Variants in DENND4C observed in about 807,000 individuals in gnomAD.
The protein encoded by DENND4C is DENN domain containing 4C, also known as DENN domain-containing protein 4C.
DENND4C carries 108 observed loss-of-function variants against 203.0 expected under a neutral mutation model. The observed-to-expected ratio is 0.53, with a 90% CI of 0.46 to 0.62. DENND4C has a LOEUF of 0.62. Among genes scored for constraint, DENND4C ranks in the 20% least tolerant of loss-of-function variants. DENND4C has a pLI of 0.00. For missense variants in DENND4C, 2,481 were observed against 2,301.2 expected (o/e 1.08, Z -1.60); for synonymous variants, 871 against 792.4 (o/e 1.10, Z -1.67).
chr9:19,235,497 TA>T (rs1821712777), intron 1 of DENND4C, among the ~76,000 whole-genome samples: 1 of 152,046 alleles, frequency 6.6e-6, no homozygotes. Context: ...CTTATACTCT[TA>T]TACTTAAGTA....
At chr9:19,290,016 T>TA (rs991252692) in intron 4 of DENND4C, among the ~76,000 whole-genome samples, 2 of 152,192 alleles carry the variant, frequency 1.3e-5, no homozygotes, top group Admixed American at 1.3e-4. Context: ...TAGAGAGTTT[T>TA]AGATACTGAA....
intron 16 of DENND4C, among the ~76,000 whole-genome samples, chr9:19,330,868 G>C (rs964824203): frequency 1.3e-5 from 2 of 151,774 alleles, no homozygotes; most frequent in African/African-American, 4.8e-5. Context: ...TGGCCAACAT[G>C]GTGAAACTCT....
intron 1 of DENND4C, among the ~76,000 whole-genome samples, chr9:19,270,298 T>C (rs556092371): frequency 1.6e-4 from 25 of 152,204 alleles, no homozygotes; most frequent in Non-Finnish European, 3.2e-4. Flanking sequence ...AAGGGCTCTT[T>C]ATTCAGCGGG....
intron 1 of DENND4C, among the ~76,000 whole-genome samples, chr9:19,238,223 C>T (rs1176375174): frequency 2.0e-5 from 3 of 151,678 alleles, no homozygotes; most frequent in Non-Finnish European, 4.4e-5. Flanking sequence ...GCTGGGATTA[C>T]AGGCATGCAC....
chr9:19,360,959 C>G (rs1482263118), intron 29 of DENND4C, among the ~76,000 whole-genome samples: 1 of 152,116 alleles, frequency 6.6e-6, no homozygotes, highest in Non-Finnish European at 1.5e-5. Context: ...TTGCAGCCTC[C>G]TTTTTCTGGG....
At chr9:19,319,379 T>TATATATATAC (rs1366607176) in intron 12 of DENND4C, among the ~76,000 whole-genome samples, 12 of 105,834 alleles carry the variant, frequency 1.1e-4, no homozygotes, top group African/African-American at 5.3e-4. Context: ...TATATACACA[T>TATATATATAC]ACATATATAT....
intron 1 of DENND4C, among the ~76,000 whole-genome samples, chr9:19,271,121 C>T (rs559474954): frequency 1.3e-5 from 2 of 151,366 alleles, no homozygotes; most frequent in South Asian, 2.1e-4. Flanking sequence ...GATTAGAAGA[C>T]TCAATAACCC....
intron 1 of DENND4C, among the ~76,000 whole-genome samples, chr9:19,273,646 A>T (rs186199122): frequency 5.3e-5 from 8 of 152,140 alleles, no homozygotes; most frequent in African/African-American, 1.7e-4. Context: ...CCCAAAGAAG[A>T]TATATGGATG....
intron 15 of DENND4C, among the ~76,000 whole-genome samples, chr9:19,327,188 A>C (rs893374382): frequency 6.6e-6 from 1 of 152,108 alleles, no homozygotes. Context: ...AGATATTGAC[A>C]AACAAGATAA....
intron 29 of DENND4C, among the ~76,000 whole-genome samples, chr9:19,360,876 A>G (rs1826326260): frequency 6.6e-6 from 1 of 152,164 alleles, no homozygotes; most frequent in African/African-American, 2.4e-5. Context: ...CTCAGTTATT[A>G]GGTCATATCT....
At chr9:19,261,807 T>G (rs1829424922) in intron 1 of DENND4C, among the ~76,000 whole-genome samples, 1 of 152,042 alleles carries the variant, frequency 6.6e-6, no homozygotes, top group Admixed American at 6.6e-5. Flanking sequence ...CCTGGTCTCT[T>G]TCCGTTTTTT....
intron 10 of DENND4C, among the ~76,000 whole-genome samples, chr9:19,312,303 A>G (rs1840897956): frequency 6.6e-6 from 1 of 152,070 alleles, no homozygotes; most frequent in Non-Finnish European, 1.5e-5. Flanking sequence ...GGGTTTCACC[A>G]TGTTGGCCAG....
intron 3 of DENND4C, among the ~76,000 whole-genome samples, chr9:19,288,186 A>G (rs939323956): frequency 3.3e-5 from 5 of 152,246 alleles, no homozygotes; most frequent in Non-Finnish European, 5.9e-5. Flanking sequence ...AATGTTGTAT[A>G]GGCGGAGATG....
chr9:19,318,956 G>A (rs1326323478), intron 12 of DENND4C, among the ~76,000 whole-genome samples: 1 of 152,044 alleles, frequency 6.6e-6, no homozygotes, highest in African/African-American at 2.4e-5. Flanking sequence ...ATCACCTGAG[G>A]TCAGGAGTTT....
At chr9:19,325,473 C>T (rs1383144691) in intron 13 of DENND4C, among the ~76,000 whole-genome samples, 2 of 151,856 alleles carry the variant, frequency 1.3e-5, no homozygotes, top group South Asian at 4.2e-4. Context: ...TTTTATGGCC[C>T]CCTCATGATT....
Position 19,371,775 on chromosome 9 carries a change from C to A in DENND4C, c.5695C>A (p.Leu1899Ile). The change falls in exon 32 of 33, where the codon CTC (leucine) becomes ATC (isoleucine). Residue 1899 changes from leucine to isoleucine, a missense_variant. Coordinates refer to ENST00000434457, the MANE Select transcript of DENND4C (RefSeq NM_001330640.2). ...TTATAGGAGTTTATACAGAGAAATC[C>A]TCTTCTTATCATTAGTGTCTCTAGG... ...KRQRSLYREI[L>I]FLSLVSLGRE... is the part of the protein sequence containing the mutation. 1 of 1,457,786 alleles carries A rather than the reference C, an allele frequency of 6.9e-7. No individual in the cohort carries two copies. The highest frequency in any genetic ancestry group is 1.2e-5 in the South Asian group (1 of 81,886). 90.3% of individuals were successfully genotyped at this position (1,457,786 alleles called of 1,614,324 possible).
intron 1 of DENND4C, among the ~76,000 whole-genome samples, chr9:19,259,784 C>T (rs1012699715): frequency 2.6e-5 from 4 of 152,224 alleles, no homozygotes; most frequent in African/African-American, 9.6e-5. Flanking sequence ...GGATTACAGG[C>T]GTCAGCCACC....
chr9:19,362,339 C>T (rs530760859), intron 30 of DENND4C, among the ~76,000 whole-genome samples: 4 of 152,110 alleles, frequency 2.6e-5, no homozygotes, highest in Admixed American at 1.3e-4. Flanking sequence ...AACTCAAATA[C>T]GCATCCATAG....
At chr9:19,287,294 G>T (rs185423644) in intron 3 of DENND4C, among the ~76,000 whole-genome samples, 2 of 152,206 alleles carry the variant, frequency 1.3e-5, no homozygotes, top group East Asian at 1.9e-4. Context: ...TTGGATTTCA[G>T]TGGTGTCTTC....
Sources: gnomAD v4.1 joint callset for allele counts (sites outside exome capture counted in the v4.1 genomes callset) on GRCh38, gnomAD v4.1.1 for gene constraint, MANE v1.5 for transcripts, NCBI Gene and HGNC (gene_info 2026-07-23, HGNC 2026-07-21) for gene names.